The following CELSR3 variants were observed in gnomAD, a reference collection of about 807,000 sequenced individuals.
CELSR3 encodes the protein EGF-like protein 1.
In CELSR3, 73 loss-of-function variants were observed where a neutral mutation model predicts 270.0. That is an observed-to-expected ratio of 0.27 (90% CI 0.22 to 0.33). CELSR3 has a LOEUF of 0.33. Ranked by LOEUF, CELSR3 falls within the 10% of genes least tolerant of loss-of-function variation. CELSR3 has a pLI of 1.00. For synonymous variants in CELSR3, 1,780 were observed against 1,905.4 expected (o/e 0.93, Z 1.71); for missense variants, 3,614 against 4,533.8 (o/e 0.80, Z 5.83).
Position 48,662,263 on chromosome 3 carries a change from C to A in CELSR3, c.372G>T (p.Glu124Asp). The A allele has an allele frequency of 6.2e-7, 1 of 1,613,136 alleles. No individual in the cohort carries two copies. Among genetic ancestry groups the A allele is most frequent in the Non-Finnish European group, 8.5e-7 (1 of 1,180,028 alleles). Reference sequence around the variant, plus strand: ...ACACAGACCCTGGTCCCTGTCCTGTCTCTCGTTCGCGGCTGCCCAATGGCT... The same window carrying A: ...ACACAGACCCTGGTCCCTGTCCTGTATCTCGTTCGCGGCTGCCCAATGGCT... The part of the protein sequence containing the change: ...GVQPLGSRER[E>D]TGQGPGSVLY... The change falls in exon 1 of 35, where the codon GAG becomes GAT. Residue 124 changes from glutamate to aspartate, a missense_variant. Around this residue, in one of 7 missense-constraint regions of CELSR3, gnomAD observed 470 missense variants for 469.7 expected, o/e 1.00. Transcript: ENST00000164024. This position sits in a 1 kb window ranked among gnomAD's most constrained non-coding sequence, Gnocchi z 7.1.
In CELSR3 at chr3:48,657,395, C is replaced by A. The variant is rs1476460816; in HGVS notation, c.3749-47G>T. On this transcript the variant is annotated intron_variant, in intron 1 of 34. Coordinates refer to ENST00000164024, the MANE Select transcript of CELSR3 (RefSeq NM_001407.3). This position sits in a 1 kb window ranked among gnomAD's most constrained non-coding sequence, Gnocchi z 5.4. The stretch of plus-strand genomic sequence containing the variant: ...GTGGTCATCCTGGGGACAGTGGCCA[C>A]CCCTCCCTGGGACACAAGAGGGCTG... The A allele has an allele frequency of 6.7e-7, 1 of 1,502,876 alleles. No individual in the cohort carries two copies. The highest frequency in any genetic ancestry group is 2.1e-5 in the Admixed American group (1 of 48,460). The allele number at this position is 1,502,876 out of a possible 1,614,324, so 93.1% of individuals were successfully genotyped here.
chr3:48,657,090 C>G lies in CELSR3; in HGVS notation c.4007G>C (p.Arg1336Pro). 4.3e-6 allele frequency: 7 copies of G among 1,613,932 alleles called. No individual in the cohort carries two copies. Among genetic ancestry groups the G allele is most frequent in the Non-Finnish European group, 5.9e-6 (7 of 1,179,970 alleles). Residue 1336 changes from arginine (R) to proline (P), a missense_variant, in exon 2 of 35, where the codon CGT (arginine) becomes CCT (proline). This residue lies in a region of CELSR3 where 1,331 missense variants were observed against 1,933.7 expected (regional missense o/e 0.69). Transcript: ENST00000164024. The surrounding 1 kb of genome is among the most constrained non-coding windows in gnomAD (Gnocchi z 5.4). The part of the protein sequence containing the change: ...LNVSFSALAP[R>P]GAGAGAAGPW... Reference sequence around the variant, plus strand: ...CCCTGCAGCGCCCGCCCCGGCCCCACGTGGAGCTAGCGCCGAGAAACTCAC... The same window carrying G: ...CCCTGCAGCGCCCGCCCCGGCCCCAGGTGGAGCTAGCGCCGAGAAACTCAC...
Position 48,642,236 on chromosome 3 carries a change from C to T in CELSR3, c.8665+122G>A. 1.8e-6 allele frequency: 2 copies of T among 1,118,752 alleles called. No individual in the cohort carries two copies. The highest frequency in any genetic ancestry group is 2.5e-6 in the Non-Finnish European group (2 of 801,804). The allele number at this position is 1,118,752 out of a possible 1,614,324, so 69.3% of individuals were successfully genotyped here. On this transcript the variant is annotated intron_variant, in intron 31 of 34. Coordinates refer to ENST00000164024, the MANE Select transcript of CELSR3 (RefSeq NM_001407.3). This position sits in a 1 kb window ranked among gnomAD's most constrained non-coding sequence, Gnocchi z 6.1. ...CTGGAGAGGTAGGTGCCTCCTGAGG[C>T]AGGGACCCTGGGGGAGATCGTCCCA... is the stretch of plus-strand genomic sequence containing the variant.
chr3:48,654,908 G>C lies in CELSR3; in HGVS notation c.4988+136C>G, dbSNP rs745540067. ...GGGTGAGTAGGCTTTCAGGGTCTTTGAGAGGAGAGGGGAATCTTGGTGGTT... is the reference window on the plus strand; with the variant it reads ...GGGTGAGTAGGCTTTCAGGGTCTTTCAGAGGAGAGGGGAATCTTGGTGGTT... On this transcript the variant is annotated intron_variant, in intron 6 of 34. Coordinates refer to ENST00000164024, the MANE Select transcript of CELSR3 (RefSeq NM_001407.3). The surrounding 1 kb of genome is among the most constrained non-coding windows in gnomAD (Gnocchi z 5.4). 1.2e-5 allele frequency: 11 copies of C among 895,448 alleles called. No individual in the cohort carries two copies. Among genetic ancestry groups the C allele is most frequent in the Non-Finnish European group, 1.8e-5 (10 of 563,008 alleles). The allele number at this position is 895,448 out of a possible 1,614,324, so 55.5% of individuals were successfully genotyped here. A position where few individuals can be genotyped will look rare whatever the true frequency, so the allele number is the denominator to read the frequency against.
rs749051588 is a variant in CELSR3, at chr3:48,646,057, G to A, written c.7463+33C>T. ...ATTAGTTGGCCTCCCAAGGGCTAACGGGACCAAGGGTTTCCAGAATGGGGG... is the reference window on the plus strand; with the variant it reads ...ATTAGTTGGCCTCCCAAGGGCTAACAGGACCAAGGGTTTCCAGAATGGGGG... On this transcript the variant is annotated intron_variant, in intron 22 of 34. Coordinates refer to ENST00000164024, the MANE Select transcript of CELSR3 (RefSeq NM_001407.3). The surrounding 1 kb of genome is among the most constrained non-coding windows in gnomAD (Gnocchi z 4.8). 16 of 1,608,878 alleles carry A rather than the reference G, an allele frequency of 9.9e-6. No individual in the cohort carries two copies. Among genetic ancestry groups the A allele is most frequent in the East Asian group, 8.9e-5 (4 of 44,798 alleles).
Position 48,644,989 on chromosome 3 carries a change from G to T in CELSR3, c.7972+46C>A. On this transcript the variant is annotated intron_variant, in intron 25 of 34. Transcript: ENST00000164024. The surrounding 1 kb of genome is among the most constrained non-coding windows in gnomAD (Gnocchi z 4.8). The stretch of plus-strand genomic sequence containing the variant: ...TGAGCAGGAGTGGGGACAGGGTCAG[G>T]GGTCAGGCCATGTGATGGTTGGAGG... 2 of 1,555,702 alleles carry T rather than the reference G, an allele frequency of 1.3e-6. No individual in the cohort carries two copies. The highest frequency in any genetic ancestry group is 1.7e-6 in the Non-Finnish European group (2 of 1,143,848).
chr3:48,658,957 C>T lies in CELSR3; in HGVS notation c.3678G>A (p.Gly1226=), dbSNP rs1396095221. 6.2e-7 allele frequency: 1 copy of T among 1,614,206 alleles called. No homozygotes were observed. Among genetic ancestry groups the T allele is most frequent in the African/African-American group, 1.3e-5 (1 of 75,048 alleles). Residue 1226 remains glycine, a synonymous_variant, in exon 1 of 35, where the codon GGG becomes GGA. Transcript: ENST00000164024. This position sits in a 1 kb window ranked among gnomAD's most constrained non-coding sequence, Gnocchi z 4.7. The part of the protein sequence containing the change: ...LQLLVVNQTS[G]ELRLSRKLDN... Reference sequence around the variant, plus strand: ...CTAGCTTTCGGCTGAGTCGCAGCTCCCCACTGGTCTGGTTGACTACCAGCA... The same window carrying T: ...CTAGCTTTCGGCTGAGTCGCAGCTCTCCACTGGTCTGGTTGACTACCAGCA...
In CELSR3 at chr3:48,651,703, C is replaced by T. The variant is rs374948815; in HGVS notation, c.5939G>A (p.Gly1980Asp). 28 of 1,556,006 alleles carry T rather than the reference C, an allele frequency of 1.8e-5. No individual in the cohort carries two copies. Among genetic ancestry groups the T allele is most frequent in the African/African-American group, 1.5e-4 (11 of 72,732 alleles). ...CTCQPGYYGP[G>D]CVDACLLNPC... ...GTTCAGGAGGCAGGCATCCACACAGCCTGGGCCGTAGTAACCTGCAGATTG... is the reference window on the plus strand; with the variant it reads ...GTTCAGGAGGCAGGCATCCACACAGTCTGGGCCGTAGTAACCTGCAGATTG... The change falls in exon 13 of 35, where the codon GGC (glycine) becomes GAC (aspartate). Residue 1980 changes from glycine to aspartate, a missense_variant. By Grantham distance (94) the Gly-to-Asp change is moderately conservative (BLOSUM62 -1). Coordinates refer to ENST00000164024, the MANE Select transcript of CELSR3 (RefSeq NM_001407.3). This position sits in a 1 kb window ranked among gnomAD's most constrained non-coding sequence, Gnocchi z 7.4.
chr3:48,661,162 G>A lies in CELSR3; in HGVS notation c.1473C>T (p.Arg491=). 3.1e-6 allele frequency: 5 copies of A among 1,601,602 alleles called. No individual in the cohort carries two copies. Among genetic ancestry groups the A allele is most frequent in the Non-Finnish European group, 4.3e-6 (5 of 1,173,966 alleles). The change falls in exon 1 of 35, where the codon CGC becomes CGT. Residue 491 remains arginine, a synonymous_variant. Transcript: ENST00000164024. ...AAAAAFEIDP[R]SGLISTSGRV... ...GGCCGCTGGTGCTGATGAGGCCGGAGCGTGGATCAATCTCGAAGGCGGCGG... is the reference window on the plus strand; with the variant it reads ...GGCCGCTGGTGCTGATGAGGCCGGAACGTGGATCAATCTCGAAGGCGGCGG...
In CELSR3 at chr3:48,640,997, C is replaced by A; in HGVS notation, c.9025+327G>T. 1 of 386,566 alleles carries A rather than the reference C, an allele frequency of 2.6e-6. No individual in the cohort carries two copies. The highest frequency in any genetic ancestry group is 4.6e-6 in the Non-Finnish European group (1 of 215,370). 23.9% of individuals were successfully genotyped at this position (386,566 alleles called of 1,614,324 possible). A position where few individuals can be genotyped will look rare whatever the true frequency, so the allele number is the denominator to read the frequency against. On this transcript the variant is annotated intron_variant, in intron 33 of 34. Coordinates refer to ENST00000164024, the MANE Select transcript of CELSR3 (RefSeq NM_001407.3). The surrounding 1 kb of genome is among the most constrained non-coding windows in gnomAD (Gnocchi z 7.5). ...TAAAAGCAGAGTAGGGGGCAGAAAT[C>A]TTCCAGATCAGAGCACGGGCTCTGG...
Position 48,642,131 on chromosome 3 carries a change from C to T in CELSR3, c.8666-122G>A. ...TTAGGGTTGGGGACAGGAACCGGGG[C>T]TTGAAGTGGAGGTAGCAGCAGAAGG... On this transcript the variant is annotated intron_variant, in intron 31 of 34. Transcript: ENST00000164024. This position sits in a 1 kb window ranked among gnomAD's most constrained non-coding sequence, Gnocchi z 6.1. The T allele has an allele frequency of 1.0e-6, 1 of 997,944 alleles. No individual in the cohort carries two copies. The highest frequency in any genetic ancestry group is 2.7e-5 in the East Asian group (1 of 37,424). 61.8% of individuals were successfully genotyped at this position (997,944 alleles called of 1,614,324 possible).
Position 48,655,854 on chromosome 3 carries a change from G to T in CELSR3, c.4626-3C>A. The T allele has an allele frequency of 6.5e-7, 1 of 1,549,656 alleles. No homozygotes were observed. The highest frequency in any genetic ancestry group is 8.9e-7 in the Non-Finnish European group (1 of 1,123,956). On this transcript the variant is annotated splice_region_variant and splice_polypyrimidine_tract_variant and intron_variant, in intron 3 of 34. Transcript: ENST00000164024. The surrounding 1 kb of genome is among the most constrained non-coding windows in gnomAD (Gnocchi z 5.8). The stretch of plus-strand genomic sequence containing the variant: ...CGCTCTGCTGCACTGTCGCGAACCT[G>T]GGCGGGGTGGGAGGGGGTTGCGGGG...
Position 48,651,770 on chromosome 3 carries a change from A to G in CELSR3, c.5924-52T>C, listed in dbSNP as rs1416807457. ...ATCCTGGTCGCAGAGCATGGAAGGA[A>G]GCAGGCACCCGTCCCGAGTCCCTGC... is the stretch of plus-strand genomic sequence containing the variant. On this transcript the variant is annotated intron_variant, in intron 12 of 34. Coordinates refer to ENST00000164024, the MANE Select transcript of CELSR3 (RefSeq NM_001407.3). This position sits in a 1 kb window ranked among gnomAD's most constrained non-coding sequence, Gnocchi z 7.4. 30 of 1,534,496 alleles carry G rather than the reference A, an allele frequency of 2.0e-5. No individual in the cohort carries two copies. Among genetic ancestry groups the G allele is most frequent in the African/African-American group, 2.8e-5 (2 of 72,122 alleles).
chr3:48,661,212 G>A lies in CELSR3; in HGVS notation c.1423C>T (p.Pro475Ser), dbSNP rs1162582458. Residue 475 changes from proline to serine, a missense_variant, in exon 1 of 35, where the codon CCG becomes TCG. Physicochemically the swap from Pro to Ser is moderately conservative, Grantham distance 74 (BLOSUM62 -1). Transcript: ENST00000164024. ...GCAGCTGCAGCGCGCGCAGCTGGCGGCCCCACGAAGCGGTAGCGCAGGTTG... is the reference window on the plus strand; with the variant it reads ...GCAGCTGCAGCGCGCGCAGCTGGCGACCCCACGAAGCGGTAGCGCAGGTTG... ...NANLRYRFVG[P>S]PAARAAAAAA... 5.6e-6 allele frequency: 9 copies of A among 1,601,136 alleles called. No homozygotes were observed. Among genetic ancestry groups the A allele is most frequent in the Non-Finnish European group, 7.7e-6 (9 of 1,173,336 alleles).
rs768532264 is a variant in CELSR3, at chr3:48,642,871, T to C, written c.8420A>G (p.Tyr2807Cys). ...CTCCTCAAAGAGAGCCGTGTTGTTG[T>C]AGGCCCCAGGTCCCTGGGGGTGGTA... ...RPAPGLGPGA[Y>C]NNTALFEESG... The change falls in exon 30 of 35, where the codon TAC becomes TGC. Residue 2807 changes from tyrosine (Y) to cysteine (C), a missense_variant. Physicochemically the swap from Tyr to Cys is radical, Grantham distance 194. Transcript: ENST00000164024. The surrounding 1 kb of genome is among the most constrained non-coding windows in gnomAD (Gnocchi z 6.1). The C allele has an allele frequency of 1.2e-6, 2 of 1,613,018 alleles. No homozygotes were observed. The highest frequency in any genetic ancestry group is 1.7e-6 in the Non-Finnish European group (2 of 1,179,942).
chr3:48,648,833 G>C lies in CELSR3; in HGVS notation c.6663C>G (p.His2221Gln), dbSNP rs1320178384. 6.2e-7 allele frequency: 1 copy of C among 1,612,960 alleles called. No individual in the cohort carries two copies. Among genetic ancestry groups the C allele is most frequent in the Non-Finnish European group, 8.5e-7 (1 of 1,180,016 alleles). Residue 2221 changes from histidine to glutamine, a missense_variant, in exon 18 of 35, where the codon CAC (histidine) becomes CAG (glutamine). Coordinates refer to ENST00000164024, the MANE Select transcript of CELSR3 (RefSeq NM_001407.3). The part of the protein sequence containing the change: ...RLREVTGHTD[H>Q]YFSQDVRVTA... ...TGACTCGAACATCTTGGCTAAAATAGTGGTCAGTGTGGCCAGTCACCTCCC... is the reference window on the plus strand; with the variant it reads ...TGACTCGAACATCTTGGCTAAAATACTGGTCAGTGTGGCCAGTCACCTCCC...
rs2047029758 is a variant in CELSR3, at chr3:48,641,856, G to A, written c.8819C>T (p.Pro2940Leu). The change falls in exon 32 of 35, where the codon CCC becomes CTC. Residue 2940 changes from proline (P) to leucine (L), a missense_variant. Physicochemically the swap from Pro to Leu is moderately conservative, Grantham distance 98. Transcript: ENST00000164024. This position sits in a 1 kb window ranked among gnomAD's most constrained non-coding sequence, Gnocchi z 4.8. ...GGTCAGAGGGCGCCTGGCACCTTTG[G>A]GGTGGGTGAGGAGCCTCTCACTCTG... ...AAQSERLLTH[P>L]KDVDGNDLLS... is the part of the protein sequence containing the mutation. 2 of 1,468,900 alleles carry A rather than the reference G, an allele frequency of 1.4e-6. No homozygotes were observed. The highest frequency in any genetic ancestry group is 1.4e-5 in the African/African-American group (1 of 70,632). 91.0% of individuals were successfully genotyped at this position (1,468,900 alleles called of 1,614,324 possible).
chr3:48,662,655 C>T lies in CELSR3; in HGVS notation c.-21G>A, dbSNP rs1171138136. 1 of 1,234,640 alleles carries T rather than the reference C, an allele frequency of 8.1e-7. No homozygotes were observed. The highest frequency in any genetic ancestry group is 1.8e-5 in the South Asian group (1 of 54,178). 76.5% of individuals were successfully genotyped at this position (1,234,640 alleles called of 1,614,324 possible). A position where few individuals can be genotyped will look rare whatever the true frequency, so the allele number is the denominator to read the frequency against. On this transcript the variant is annotated 5_prime_UTR_variant, in exon 1 of 35. Coordinates refer to ENST00000164024, the MANE Select transcript of CELSR3 (RefSeq NM_001407.3). The surrounding 1 kb of genome is among the most constrained non-coding windows in gnomAD (Gnocchi z 7.1). ...ATCATCCCCCGCCTCCCTGCACGGC[C>T]TCCACCGCCCCCCGCCCCGGTCCGG...
chr3:48,640,742 G>A lies in CELSR3; in HGVS notation c.9026-183C>T, dbSNP rs1457811579. 1.6e-6 allele frequency: 1 copy of A among 621,436 alleles called. No homozygotes were observed. Among genetic ancestry groups the A allele is most frequent in the African/African-American group, 1.9e-5 (1 of 53,764 alleles). The allele number at this position is 621,436 out of a possible 1,614,324, so 38.5% of individuals were successfully genotyped here. The stretch of plus-strand genomic sequence containing the variant: ...CAGAGAGGCAGCAGGACAGGGGTCA[G>A]AGTGGAAGGGCAGTCATCTTCCAGT... On this transcript the variant is annotated intron_variant, in intron 33 of 34. Transcript: ENST00000164024. This position sits in a 1 kb window ranked among gnomAD's most constrained non-coding sequence, Gnocchi z 7.5.
Sources: allele counts gnomAD v4.1 joint callset, GRCh38; gene constraint gnomAD v4.1.1; regional missense constraint gnomAD v4.1.1; non-coding constraint Gnocchi (gnomAD v3.1); transcripts MANE v1.5; gene names NCBI Gene and HGNC (gene_info 2026-07-23, HGNC 2026-07-21).